Variants in LRRC4C observed in about 807,000 individuals in gnomAD.
LRRC4C encodes the protein leucine rich repeat containing 4C.
In LRRC4C, 5 loss-of-function variants were observed where a neutral mutation model predicts 33.6. The ratio of observed to expected loss-of-function variants is 0.15; its 90% CI spans 0.08 to 0.31. The LOEUF (loss-of-function observed/expected upper bound fraction) is 0.31. LRRC4C is among the 10% of genes least tolerant of loss of function. The probability of loss-of-function intolerance (pLI) is 1.00; values close to 1 mark genes in which losing one functional copy is unlikely to be tolerated. For missense variants in LRRC4C, 560 were observed against 796.7 expected (o/e 0.70, Z 3.58); for synonymous variants, 329 against 302.0 (o/e 1.09, Z -0.93).
At chr11:40,818,009 G>A (rs191545900) in intron 2 of LRRC4C, among the ~76,000 whole-genome samples, 47 of 152,110 alleles carry the variant, frequency 3.1e-4, no homozygotes, top group African/African-American at 1.1e-3. Context: ...GTTTTTCCCT[G>A]AGATTATGAA....
intron 1 of LRRC4C, among the ~76,000 whole-genome samples, chr11:40,992,300 T>C (rs1853634575): frequency 6.6e-6 from 1 of 152,108 alleles, no homozygotes; most frequent in African/African-American, 2.4e-5. Flanking sequence ...AAAATAAGTA[T>C]TTTCATGAAC....
At chr11:40,201,992 G>A (rs1463209706) in intron 5 of LRRC4C, among the ~76,000 whole-genome samples, 2 of 152,070 alleles carry the variant, frequency 1.3e-5, no homozygotes, top group Non-Finnish European at 2.9e-5. Context: ...AGAGACCCAA[G>A]GTGTTAGAAT....
intron 1 of LRRC4C, among the ~76,000 whole-genome samples, chr11:41,378,992 G>A (rs1953044695): frequency 6.7e-6 from 1 of 149,044 alleles, no homozygotes; most frequent in South Asian, 2.1e-4. Context: ...TATCTTTTCA[G>A]TATATTCATT....
chr11:41,161,845 A>G (rs998972162), intron 1 of LRRC4C, among the ~76,000 whole-genome samples: 1 of 152,334 alleles, frequency 6.6e-6, no homozygotes, highest in African/African-American at 2.4e-5. Flanking sequence ...ACCCAACAGG[A>G]CTACCTGAGT....
intron 1 of LRRC4C, among the ~76,000 whole-genome samples, chr11:40,949,284 G>C (rs149905586): frequency 0.016 from 2,379 of 152,246 alleles, 64 homozygotes; most frequent in African/African-American, 0.055. Context: ...TGTCAGATAA[G>C]TAGGTTGCTA....
chr11:40,793,584 T>G (rs2135187192), intron 2 of LRRC4C, among the ~76,000 whole-genome samples: 1 of 152,328 alleles, frequency 6.6e-6, no homozygotes, highest in African/African-American at 2.4e-5. Context: ...CTTTGACTCT[T>G]ATTTTACAAA....
At chr11:40,568,669 C>G (rs1419557028) in intron 3 of LRRC4C, among the ~76,000 whole-genome samples, 1 of 152,106 alleles carries the variant, frequency 6.6e-6, no homozygotes, top group East Asian at 1.9e-4. Context: ...CACTATGTAG[C>G]ACACAGCCAG....
At chr11:40,211,200 C>A (rs755818548) in intron 5 of LRRC4C, among the ~76,000 whole-genome samples, 1 of 152,222 alleles carries the variant, frequency 6.6e-6, no homozygotes, top group Non-Finnish European at 1.5e-5. Flanking sequence ...CTTTCCCCAT[C>A]AATATGTAAG....
At chr11:41,143,520 T>C (rs183940320) in intron 1 of LRRC4C, among the ~76,000 whole-genome samples, 4 of 152,268 alleles carry the variant, frequency 2.6e-5, no homozygotes, top group Non-Finnish European at 5.9e-5. Context: ...CTAACAGCTG[T>C]GCCTGCAGTG....
chr11:41,369,519 A>G (rs1436054028), intron 1 of LRRC4C, among the ~76,000 whole-genome samples: 1 of 152,032 alleles, frequency 6.6e-6, no homozygotes, highest in Non-Finnish European at 1.5e-5. Flanking sequence ...ACAAACCTGC[A>G]CATGTACCCC....
intron 1 of LRRC4C, among the ~76,000 whole-genome samples, chr11:41,226,773 C>CACACACACACACAT (rs1245183655): frequency 1.3e-5 from 2 of 151,634 alleles, no homozygotes; most frequent in African/African-American, 4.8e-5. Context: ...CACACACACA[C>CACACACACACACAT]ACACCCTTCT....
chr11:40,730,365 G>A (rs976308747), intron 2 of LRRC4C, among the ~76,000 whole-genome samples: 60 of 152,070 alleles, frequency 3.9e-4, no homozygotes, highest in African/African-American at 1.4e-3. Flanking sequence ...GTTTAACCAC[G>A]TAGAACCCCA....
At chr11:41,370,685 A>C (rs1952714736) in intron 1 of LRRC4C, among the ~76,000 whole-genome samples, 2 of 152,134 alleles carry the variant, frequency 1.3e-5, no homozygotes, top group Non-Finnish European at 2.9e-5. Flanking sequence ...CAGCAGTGTG[A>C]AAATGGACTA....
At chr11:40,264,122 A>T (rs1022850799) in intron 4 of LRRC4C, among the ~76,000 whole-genome samples, 4 of 152,182 alleles carry the variant, frequency 2.6e-5, no homozygotes, top group African/African-American at 9.7e-5. Flanking sequence ...TGTGCTTGGC[A>T]CATAGTAAGT....
chr11:40,853,521 A>G (rs1953615422), intron 2 of LRRC4C, among the ~76,000 whole-genome samples: 1 of 151,456 alleles, frequency 6.6e-6, no homozygotes, highest in African/African-American at 2.4e-5. Flanking sequence ...TTATGCAAAA[A>G]TATTTCCTTA....
At chr11:41,180,732 A>G (rs186148680) in intron 1 of LRRC4C, among the ~76,000 whole-genome samples, 113 of 152,090 alleles carry the variant, frequency 7.4e-4, no homozygotes, top group Non-Finnish European at 7.9e-4. Context: ...TTGCCTCACA[A>G]TTTTCCCCAT....
intron 1 of LRRC4C, among the ~76,000 whole-genome samples, chr11:41,250,876 A>G (rs778305116): frequency 4.6e-5 from 7 of 152,206 alleles, no homozygotes; most frequent in Non-Finnish European, 7.3e-5. Flanking sequence ...TTGTTAAACA[A>G]AATCTGATTT....
intron 1 of LRRC4C, among the ~76,000 whole-genome samples, chr11:41,296,850 C>T (rs1331477297): frequency 6.6e-6 from 1 of 152,046 alleles, no homozygotes; most frequent in Non-Finnish European, 1.5e-5. Flanking sequence ...TTCTTCTTAT[C>T]ATTTCAGTGA....
intron 3 of LRRC4C, among the ~76,000 whole-genome samples, chr11:40,358,129 G>A (rs1182382625): frequency 2.0e-5 from 3 of 152,052 alleles, no homozygotes; most frequent in African/African-American, 7.2e-5. Context: ...CTTGCAGTGA[G>A]CTGAGATTGT....
Sources: gnomAD v4.1 joint callset for allele counts (sites outside exome capture counted in the v4.1 genomes callset) on GRCh38, gnomAD v4.1.1 for gene constraint, MANE v1.5 for transcripts, NCBI Gene and HGNC (gene_info 2026-07-23, HGNC 2026-07-21) for gene names.